UTRN: variants seen among roughly 807,000 people sequenced by gnomAD.
UTRN encodes the protein dystrophin-related protein 1.
Under a neutral mutation model 463.9 loss-of-function variants are expected in UTRN, and 283 were observed. The observed-to-expected ratio is 0.61, with a 90% CI of 0.55 to 0.67. The LOEUF is 0.67. UTRN is among the 30% of genes least tolerant of loss of function. The probability of loss-of-function intolerance (pLI) is 0.00; values close to 1 mark genes in which losing one functional copy is unlikely to be tolerated. For missense variants in UTRN, 3,922 were observed against 4,084.3 expected, an observed-to-expected ratio of 0.96 and a Z score of 1.08; for synonymous variants, 1,442 against 1,431.5, an observed-to-expected ratio of 1.01 and a Z score of -0.17.
intron 51 of UTRN, among the ~76,000 whole-genome samples, chr6:144,627,623 C>G (rs1776081059): frequency 6.6e-6 from 1 of 152,112 alleles, no homozygotes. Flanking sequence ...CTTCCTCCTT[C>G]CCTCCAATCC....
chr6:144,658,231 A>G (rs1779522585), intron 51 of UTRN, among the ~76,000 whole-genome samples: 2 of 152,210 alleles, frequency 1.3e-5, no homozygotes, highest in African/African-American at 4.8e-5. Flanking sequence ...GCCCCTGGGG[A>G]CATACAGGTT....
intron 48 of UTRN, among the ~76,000 whole-genome samples, chr6:144,553,915 C>CT (rs1799150562): frequency 1.0e-5 from 1 of 99,814 alleles, no homozygotes; most frequent in African/African-American, 3.4e-5. Context: ...GACTCTCTCT[C>CT]AAAAAAAAAA....
chr6:144,317,930 T>A (rs1775386513), intron 2 of UTRN, among the ~76,000 whole-genome samples: 1 of 152,232 alleles, frequency 6.6e-6, no homozygotes. Context: ...GTTCTGTCCT[T>A]TCCTTTCCTG....
intron 52 of UTRN, among the ~76,000 whole-genome samples, chr6:144,699,488 T>G (rs1287119868): frequency 7.2e-6 from 1 of 138,102 alleles, no homozygotes; most frequent in Non-Finnish European, 1.6e-5. Flanking sequence ...TTTTTTTTTT[T>G]TTTTTTTTTT....
intron 40 of UTRN, 120 bp downstream of exon 40, chr6:144,522,291 A>G (rs959340898): frequency 2.7e-6 from 2 of 750,714 alleles, no homozygotes; most frequent in Non-Finnish European, 3.9e-6. Flanking sequence ...GGGGATTAAT[A>G]ATATGTATGA....
intron 2 of UTRN, among the ~76,000 whole-genome samples, chr6:144,343,411 A>ACACACACACACACAC (rs1562270899): frequency 2.4e-5 from 3 of 126,114 alleles, no homozygotes; most frequent in African/African-American, 1.1e-4. Flanking sequence ...CACACACACA[A>ACACACACACACACAC]TAGCCGGGCA....
chr6:144,493,876 A>T (rs1414503845), intron 33 of UTRN, among the ~76,000 whole-genome samples: 1 of 152,162 alleles, frequency 6.6e-6, no homozygotes, highest in Admixed American at 6.5e-5. Context: ...GGTGGTGAGT[A>T]TCTGTAGTCC....
chr6:144,413,993 G>A (rs1362197637), intron 3 of UTRN, among the ~76,000 whole-genome samples: 4 of 151,924 alleles, frequency 2.6e-5, no homozygotes, highest in African/African-American at 7.3e-5. Context: ...TAGTAGAGAC[G>A]GGATTTCACC....
chr6:144,583,281 C>G lies in UTRN; in HGVS notation c.7479+5993C>G, dbSNP rs1387690319. On this transcript the variant is annotated intron_variant, in intron 51 of 74. Coordinates refer to ENST00000367545, the MANE Select transcript of UTRN (RefSeq NM_007124.3). ...GTGAGCATCTGCTGGGGGGCTTTCT[C>G]TGTGGCGTTTGTCTGTGTTTTTTAA... is the stretch of plus-strand genomic sequence containing the variant. 3 of 418,394 alleles carry G rather than the reference C, an allele frequency of 7.2e-6. No individual in the cohort carries two copies. In the East Asian group the frequency reaches 1.1e-4, roughly 15 times the overall value. The allele number at this position is 418,394 out of a possible 1,614,324, so 25.9% of individuals were successfully genotyped here. A position where few individuals can be genotyped will look rare whatever the true frequency, so the allele number is the denominator to read the frequency against.
At chr6:144,588,055 CTG>C (rs1206780630) in intron 51 of UTRN, among the ~76,000 whole-genome samples, 237 of 152,256 alleles carry the variant, frequency 1.6e-3, no homozygotes, top group Non-Finnish European at 2.6e-3. Flanking sequence ...TTCCTGGGAG[CTG>C]TATGGATACC....
chr6:144,440,599 G>T, intron 13 of UTRN, 128 bp downstream of exon 13: 1 of 1,232,842 alleles, frequency 8.1e-7, no homozygotes, highest in South Asian at 1.4e-5. Flanking sequence ...ACCTTTGATT[G>T]TACTTCTCAG....
chr6:144,634,580 A>G (rs1224203826), intron 51 of UTRN, among the ~76,000 whole-genome samples: 2 of 152,218 alleles, frequency 1.3e-5, no homozygotes, highest in Non-Finnish European at 2.9e-5. Context: ...AATATAATTC[A>G]TATTCCAAGT....
At chr6:144,409,683 C>T (rs957181902) in intron 3 of UTRN, among the ~76,000 whole-genome samples, 5 of 152,174 alleles carry the variant, frequency 3.3e-5, no homozygotes, top group African/African-American at 1.2e-4. Context: ...CCATTTCCAG[C>T]TGTATCTGGC....
intron 2 of UTRN, among the ~76,000 whole-genome samples, chr6:144,339,818 T>C (rs2114627008): frequency 6.6e-6 from 1 of 152,316 alleles, no homozygotes; most frequent in East Asian, 1.9e-4. Context: ...TATTGTAAGA[T>C]TATCTTTTTA....
At chr6:144,322,092 T>G (rs1300055472) in intron 2 of UTRN, among the ~76,000 whole-genome samples, 1 of 152,212 alleles carries the variant, frequency 6.6e-6, no homozygotes, top group African/African-American at 2.4e-5. Flanking sequence ...GGAGTAGTTC[T>G]CAGTGCTGAG....
At chr6:144,675,363 G>A (rs1233196428) in intron 51 of UTRN, among the ~76,000 whole-genome samples, 1 of 152,176 alleles carries the variant, frequency 6.6e-6, no homozygotes, top group Non-Finnish European at 1.5e-5. Flanking sequence ...GAGGCTGCAG[G>A]GGAGTGAAGT....
intron 64 of UTRN, among the ~76,000 whole-genome samples, chr6:144,799,828 G>A (rs1473206882): frequency 1.3e-5 from 2 of 152,178 alleles, no homozygotes; most frequent in African/African-American, 4.8e-5. Flanking sequence ...ACAAAGTTAG[G>A]ATTCAAATCC....
Position 144,514,787 on chromosome 6 carries a change from T to G in UTRN, c.5211T>G (p.Phe1737Leu). 1 of 1,613,932 alleles carries G rather than the reference T, an allele frequency of 6.2e-7. No homozygotes were observed. Among genetic ancestry groups the G allele is most frequent in the Non-Finnish European group, 8.5e-7 (1 of 1,179,962 alleles). The part of the protein sequence containing the change: ...EPKLAELNRN[F>L]EKVSQHIKSA... ...AGTTAGCTGAGCTGAATAGGAACTT[T>G]GAAAAGGTGTCTCAACATATCAAAA... The change falls in exon 37 of 75, where the codon TTT becomes TTG. Residue 1737 changes from phenylalanine (F) to leucine (L), a missense_variant. Coordinates refer to ENST00000367545, the MANE Select transcript of UTRN (RefSeq NM_007124.3).
In UTRN at chr6:144,586,800, T is replaced by A. The variant is rs1802507718; in HGVS notation, c.7479+9512T>A. Among the ~76,000 whole-genome samples the A allele has an allele frequency of 1.1e-4, 16 of 152,028 alleles. 1 individual carries two copies. The South Asian group carries it at 3.3e-3, about 32-fold the overall frequency. ...GAACATTATAGAAAAATGAGAAAAATTTAAAAATATTTAGTGCTGTAAATT... is the reference window on the plus strand; with the variant it reads ...GAACATTATAGAAAAATGAGAAAAAATTAAAAATATTTAGTGCTGTAAATT... On this transcript the variant is annotated intron_variant, in intron 51 of 74. Coordinates refer to ENST00000367545, the MANE Select transcript of UTRN (RefSeq NM_007124.3).
Sources: allele counts gnomAD v4.1 joint callset (sites outside exome capture counted in the v4.1 genomes callset), GRCh38; gene constraint gnomAD v4.1.1; transcripts MANE v1.5; gene names NCBI Gene and HGNC (gene_info 2026-07-23, HGNC 2026-07-21).